The following FAM83B variants were observed in gnomAD, a reference collection of about 807,000 sequenced individuals.
FAM83B encodes the protein protein FAM83B.
FAM83B carries 26 observed loss-of-function variants against 38.8 expected under a neutral mutation model. The ratio of observed to expected loss-of-function variants is 0.67; its 90% CI spans 0.49 to 0.93. FAM83B has a LOEUF of 0.93. Ranked by LOEUF, FAM83B falls within the 40% of genes least tolerant of loss-of-function variation. FAM83B has a pLI of 0.00. For synonymous variants in FAM83B, 419 were observed against 423.1 expected, an observed-to-expected ratio of 0.99 and a Z score of 0.12; for missense variants, 1,237 against 1,197.3, an observed-to-expected ratio of 1.03 and a Z score of -0.49.
chr6:54,853,499 G>A (rs936706043), intron 1 of FAM83B, among the ~76,000 whole-genome samples: 2 of 152,210 alleles, frequency 1.3e-5, no homozygotes, highest in African/African-American at 4.8e-5. Context: ...TACCATCCCA[G>A]AATGCCTAAG....
At chr6:54,860,001 A>C (rs2127573017) in intron 1 of FAM83B, among the ~76,000 whole-genome samples, 1 of 152,232 alleles carries the variant, frequency 6.6e-6, no homozygotes, top group Non-Finnish European at 1.5e-5. Context: ...GAAGCTTCAA[A>C]AAACCACCTG....
intron 1 of FAM83B, among the ~76,000 whole-genome samples, chr6:54,858,597 A>G (rs927841542): frequency 6.6e-6 from 1 of 152,244 alleles, no homozygotes; most frequent in Non-Finnish European, 1.5e-5. Context: ...AAATAAGTTT[A>G]TATAATAACA....
intron 2 of FAM83B, among the ~76,000 whole-genome samples, chr6:54,914,275 C>G (rs1187420468): frequency 6.6e-6 from 1 of 152,048 alleles, no homozygotes; most frequent in African/African-American, 2.4e-5. Context: ...AACATTGCTG[C>G]TAGAAAGGAC....
At chr6:54,873,006 T>C (rs1581892044) in intron 2 of FAM83B, among the ~76,000 whole-genome samples, 1 of 146,586 alleles carries the variant, frequency 6.8e-6, no homozygotes, top group Admixed American at 6.9e-5. Flanking sequence ...TTGTTTTTAA[T>C]TTTATTTATT....
chr6:54,852,029 C>T (rs1771311177), intron 1 of FAM83B, among the ~76,000 whole-genome samples: 1 of 145,466 alleles, frequency 6.9e-6, no homozygotes, highest in Non-Finnish European at 1.6e-5. Flanking sequence ...GATCCACCCA[C>T]CTCGGCCTCC....
chr6:54,857,255 A>G (rs1023339620), intron 1 of FAM83B, among the ~76,000 whole-genome samples: 3 of 152,166 alleles, frequency 2.0e-5, no homozygotes, highest in Non-Finnish European at 4.4e-5. Context: ...TACTCTGCAA[A>G]TGTCAGCATG....
chr6:54,846,783 GC>G lies in FAM83B; in HGVS notation c.-102del, dbSNP rs2127569782. The G allele has an allele frequency of 6.6e-6, 1 of 152,424 alleles. No homozygotes were observed. The highest frequency in any genetic ancestry group is 6.5e-5 in the Admixed American group (1 of 15,314). 9.4% of individuals were successfully genotyped at this position (152,424 alleles called of 1,614,324 possible). ...CTTCCTGGGAGGCAAACCTTCGGCG[GC>G]CGGCGCTGTGCGGCGGGCGCGGTTG... On this transcript the variant is annotated 5_prime_UTR_variant, in exon 1 of 5. Coordinates refer to ENST00000306858, the MANE Select transcript of FAM83B (RefSeq NM_001010872.3).
At chr6:54,902,577 C>A (rs186973600) in intron 2 of FAM83B, among the ~76,000 whole-genome samples, 2 of 152,038 alleles carry the variant, frequency 1.3e-5, no homozygotes, top group Non-Finnish European at 2.9e-5. Flanking sequence ...CCTCATTGAT[C>A]ATCATAGTTA....
At chr6:54,862,715 A>G (rs1771613728) in intron 1 of FAM83B, among the ~76,000 whole-genome samples, 1 of 152,036 alleles carries the variant, frequency 6.6e-6, no homozygotes, top group African/African-American at 2.4e-5. Context: ...CATCTCTACT[A>G]AAATACAAGA....
intron 2 of FAM83B, among the ~76,000 whole-genome samples, chr6:54,914,825 C>G (rs986455580): frequency 2.0e-5 from 3 of 152,098 alleles, no homozygotes; most frequent in African/African-American, 7.2e-5. Flanking sequence ...CTTTACCTCC[C>G]CAGTCATGAA....
At chr6:54,899,778 G>A (rs767159542) in intron 2 of FAM83B, among the ~76,000 whole-genome samples, 1 of 152,036 alleles carries the variant, frequency 6.6e-6, no homozygotes, top group Non-Finnish European at 1.5e-5. Flanking sequence ...ATAAGAATTC[G>A]GGGAAACACA....
At chr6:54,928,699 T>G (rs918653863) in intron 4 of FAM83B, among the ~76,000 whole-genome samples, 1 of 152,150 alleles carries the variant, frequency 6.6e-6, no homozygotes, top group African/African-American at 2.4e-5. Context: ...CCACTTGGTT[T>G]TGGAGAGTTT....
At position 54,870,486 on chromosome 6, in the gene FAM83B, T is replaced by C; in HGVS notation, c.240T>C (p.Asp80=). The C allele has an allele frequency of 6.2e-7, 1 of 1,614,032 alleles. No individual in the cohort carries two copies. The highest frequency in any genetic ancestry group is 8.5e-7 in the Non-Finnish European group (1 of 1,179,968). Residue 80 remains aspartate (D), a synonymous_variant, in exon 2 of 5, where the codon GAT becomes GAC. Transcript: ENST00000306858. ...KVAQSTAHGT[D]DSCDDTLSSG... ...CACAAAGCACAGCACATGGTACTGA[T>C]GATTCCTGTGATGATACCTTATCTT...
At chr6:54,858,862 T>C (rs1179524412) in intron 1 of FAM83B, among the ~76,000 whole-genome samples, 3 of 152,206 alleles carry the variant, frequency 2.0e-5, no homozygotes, top group Non-Finnish European at 4.4e-5. Context: ...TTTATGTTTT[T>C]GATATAGATC....
At chr6:54,849,479 A>C (rs527465217) in intron 1 of FAM83B, among the ~76,000 whole-genome samples, 2 of 150,164 alleles carry the variant, frequency 1.3e-5, no homozygotes, top group South Asian at 2.1e-4. Context: ...AGGAGGGTGC[A>C]CTAAGGAGGC....
At chr6:54,872,398 T>C (rs572445439) in intron 2 of FAM83B, among the ~76,000 whole-genome samples, 6 of 152,280 alleles carry the variant, frequency 3.9e-5, no homozygotes, top group Admixed American at 3.9e-4. Context: ...ATAATAAATA[T>C]CAAGTATTAA....
intron 2 of FAM83B, among the ~76,000 whole-genome samples, chr6:54,919,827 G>T (rs1773131175): frequency 6.6e-6 from 1 of 151,838 alleles, no homozygotes; most frequent in South Asian, 2.1e-4. Flanking sequence ...TGAATGAATG[G>T]TTATTGAAAA....
At chr6:54,896,129 A>G (rs1182106177) in intron 2 of FAM83B, among the ~76,000 whole-genome samples, 1 of 151,924 alleles carries the variant, frequency 6.6e-6, no homozygotes, top group African/African-American at 2.4e-5. Context: ...TGACCTCGTG[A>G]TCCCCCCTGC....
At chr6:54,879,934 G>T (rs933321701) in intron 2 of FAM83B, among the ~76,000 whole-genome samples, 7 of 152,160 alleles carry the variant, frequency 4.6e-5, no homozygotes, top group African/African-American at 1.7e-4. Context: ...TTTCCTACTA[G>T]AATAGAATGT....
Sources: allele counts gnomAD v4.1 joint callset (sites outside exome capture counted in the v4.1 genomes callset), GRCh38; gene constraint gnomAD v4.1.1; transcripts MANE v1.5; gene names NCBI Gene and HGNC (gene_info 2026-07-23, HGNC 2026-07-21).